The following FARP1 variants were observed in gnomAD, a reference collection of about 807,000 sequenced individuals.
The protein encoded by FARP1 is FERM, ARHGEF and pleckstrin domain-containing protein 1.
FARP1 carries 52 observed loss-of-function variants against 128.8 expected under a neutral mutation model. That is an observed-to-expected ratio of 0.40 (90% confidence interval 0.32 to 0.51). FARP1 has a LOEUF of 0.51. FARP1 is among the 20% of genes least tolerant of loss of function. The pLI, the probability that FARP1 is intolerant of heterozygous loss-of-function variation, is 0.45. For missense variants in FARP1, 1,333 were observed against 1,367.9 expected (o/e 0.97, Z 0.40); for synonymous variants, 580 against 551.8 (o/e 1.05, Z -0.72).
At chr13:98,233,335 C>T (rs1024072852) in intron 2 of FARP1, among the ~76,000 whole-genome samples, 3 of 152,168 alleles carry the variant, frequency 2.0e-5, no homozygotes, top group Middle Eastern at 3.4e-3. Context: ...GTTAACTATG[C>T]CCTGAATTAG....
At chr13:98,406,634 C>T (rs1466665777) in intron 13 of FARP1, 2 of 152,210 alleles carry the variant, frequency 1.3e-5, no homozygotes, top group Non-Finnish European at 2.9e-5. Flanking sequence ...GCAAGCCTGC[C>T]CCCAGCAGCC....
chr13:98,332,316 T>C (rs1219558714), intron 2 of FARP1: 1 of 152,106 alleles, frequency 6.6e-6, no homozygotes, highest in Non-Finnish European at 1.5e-5. Context: ...TTTTGTTATA[T>C]ACCTGTTTGT....
chr13:98,412,715 A>G (rs149644168), intron 16 of FARP1, among the ~76,000 whole-genome samples: 2 of 152,368 alleles, frequency 1.3e-5, no homozygotes, highest in South Asian at 2.1e-4. Context: ...AAACCAGGAA[A>G]AGCTTTATGG....
chr13:98,419,481 A>ACACACACAC (rs1555294275), intron 16 of FARP1, among the ~76,000 whole-genome samples: 1 of 64,858 alleles, frequency 1.5e-5, no homozygotes, highest in African/African-American at 6.9e-5. Flanking sequence ...TCCAAAAAAA[A>ACACACACAC]ATACACACAC....
intron 1 of FARP1, among the ~76,000 whole-genome samples, chr13:98,143,843 C>G (rs1392799040): frequency 2.0e-5 from 3 of 151,934 alleles, no homozygotes; most frequent in African/African-American, 7.2e-5. Context: ...TCCTACCCGC[C>G]CGCTGACAGC....
intron 2 of FARP1, among the ~76,000 whole-genome samples, chr13:98,288,102 A>G (rs566515933): frequency 1.3e-3 from 200 of 152,190 alleles, no homozygotes; most frequent in African/African-American, 4.5e-3. Context: ...ACCCGGCCCC[A>G]CACACTTCTT....
intron 2 of FARP1, among the ~76,000 whole-genome samples, chr13:98,281,372 GAA>G (rs35996699): frequency 0.01 from 1,561 of 148,944 alleles, 28 homozygotes; most frequent in African/African-American, 0.031. Flanking sequence ...GTCTTGGAGG[GAA>G]AAAAAAAAAA....
intron 23 of FARP1, 90 bp downstream of exon 23, chr13:98,440,325 C>A: frequency 1.1e-6 from 1 of 923,556 alleles, no homozygotes; most frequent in Non-Finnish European, 1.8e-6. Context: ...ATCGGGTAGG[C>A]CTCACATCCG....
intron 18 of FARP1, chr13:98,433,128 C>T (rs145890045): frequency 7.5e-4 from 114 of 152,274 alleles, no homozygotes; most frequent in African/African-American, 2.5e-3. Context: ...GGGAGAGCCA[C>T]AAAGTGAGGC....
chr13:98,427,202 G>C (rs1408283630), intron 17 of FARP1, among the ~76,000 whole-genome samples: 1 of 151,778 alleles, frequency 6.6e-6, no homozygotes, highest in African/African-American at 2.4e-5. Context: ...CAAATCCCTG[G>C]CAACCACTGA....
intron 2 of FARP1, among the ~76,000 whole-genome samples, chr13:98,271,431 A>G (rs527440153): frequency 6.6e-6 from 1 of 152,204 alleles, no homozygotes; most frequent in African/African-American, 2.4e-5. Context: ...TCTGGGATAC[A>G]TGTGTAGAAC....
intron 2 of FARP1, among the ~76,000 whole-genome samples, chr13:98,257,849 A>G (rs901646768): frequency 1.3e-5 from 2 of 152,266 alleles, no homozygotes. Context: ...CTTCTGATCT[A>G]TTTGCTACTA....
At chr13:98,311,686 G>C (rs1436461077) in intron 2 of FARP1, among the ~76,000 whole-genome samples, 5 of 152,032 alleles carry the variant, frequency 3.3e-5, no homozygotes, top group African/African-American at 1.2e-4. Flanking sequence ...TATCCTTCTG[G>C]AGAAACTTTA....
intron 2 of FARP1, among the ~76,000 whole-genome samples, chr13:98,215,172 C>T (rs1335495049): frequency 6.6e-6 from 1 of 152,180 alleles, no homozygotes; most frequent in East Asian, 1.9e-4. Flanking sequence ...AACTCCCTGC[C>T]CAAGAAGTAG....
chr13:98,177,329 A>G (rs1878158857), intron 1 of FARP1: 3 of 1,033,826 alleles, frequency 2.9e-6, no homozygotes, highest in Non-Finnish European at 4.1e-6. Context: ...TCCCAGTTCT[A>G]AAAAGCAAAA....
Position 98,176,510 on chromosome 13 carries a change from G to C in FARP1, c.-24+33018G>C. The C allele has an allele frequency of 6.2e-7, 1 of 1,614,158 alleles. No individual in the cohort carries two copies. Among genetic ancestry groups the C allele is most frequent in the Non-Finnish European group, 8.5e-7 (1 of 1,180,026 alleles). On this transcript the variant is annotated intron_variant, in intron 1 of 26. Coordinates refer to ENST00000319562, the MANE Select transcript of FARP1 (RefSeq NM_005766.4). This position sits in a 1 kb window ranked among gnomAD's most constrained non-coding sequence, Gnocchi z 6.2. ...TCCTCTTCCTCGCTTCCCACTTCAT[G>C]GTTTTCGTCCTCGCAGATACAGTAG...
intron 2 of FARP1, among the ~76,000 whole-genome samples, chr13:98,326,205 A>G (rs1319304634): frequency 2.6e-5 from 4 of 152,212 alleles, no homozygotes; most frequent in Non-Finnish European, 5.9e-5. Flanking sequence ...TTGTCTTCCA[A>G]GCAATTAATA....
At chr13:98,423,308 A>G (rs1232328882) in intron 16 of FARP1, among the ~76,000 whole-genome samples, 1 of 150,954 alleles carries the variant, frequency 6.6e-6, no homozygotes, top group East Asian at 1.9e-4. Flanking sequence ...GATATTAACC[A>G]TCATAGGGTG....
Position 98,176,249 on chromosome 13 carries a change from G to A in FARP1, c.-24+32757G>A. 6.2e-7 allele frequency: 1 copy of A among 1,606,272 alleles called. No homozygotes were observed. Among genetic ancestry groups the A allele is most frequent in the Non-Finnish European group, 8.5e-7 (1 of 1,173,524 alleles). ...TAAGCCATGGGAATTGGACACTCAT[G>A]GGGGTCTTCTGTGAAATGGGACTTG... On this transcript the variant is annotated intron_variant, in intron 1 of 26. Coordinates refer to ENST00000319562, the MANE Select transcript of FARP1 (RefSeq NM_005766.4). The surrounding 1 kb of genome is among the most constrained non-coding windows in gnomAD (Gnocchi z 6.2).
Sources: allele counts gnomAD v4.1 joint callset (sites outside exome capture counted in the v4.1 genomes callset), GRCh38; gene constraint gnomAD v4.1.1; non-coding constraint Gnocchi (gnomAD v3.1); transcripts MANE v1.5; gene names NCBI Gene and HGNC (gene_info 2026-07-23, HGNC 2026-07-21).